The following PSMA6 variants were observed in gnomAD, a reference collection of about 807,000 sequenced individuals.
PSMA6 encodes the protein proteasome 20S subunit alpha 6.
For missense variants in PSMA6, 170 were observed against 294.8 expected (o/e 0.58, Z 3.10); for synonymous variants, 88 against 97.7 (o/e 0.90, Z 0.59).
chr14:35,292,871 G>T (rs551304451), intron 1 of PSMA6: 45 of 517,940 alleles, frequency 8.7e-5, no homozygotes, highest in African/African-American at 8.2e-4. Context: ...TCCTGGCCAG[G>T]CACAAGGTCT....
At chr14:35,317,192 G>C (rs1223979956) in intron 6 of PSMA6, 57 bp from the exon 7 acceptor site, 34 of 1,376,584 alleles carry the variant, frequency 2.5e-5, no homozygotes, top group Non-Finnish European at 3.4e-5. Flanking sequence ...CCACTTTTAC[G>C]TGTGTTTGAA....
intron 6 of PSMA6, chr14:35,315,981 T>A (rs1235455834): frequency 6.6e-6 from 1 of 152,228 alleles, no homozygotes; most frequent in East Asian, 1.9e-4. Context: ...TCAGTTGCAC[T>A]AAAAAATGTC....
At chr14:35,283,104 A>G (rs11845364) in intron 1 of PSMA6, among the ~76,000 whole-genome samples, 20,660 of 151,948 alleles carry the variant, frequency 0.14, 2,552 homozygotes, top group African/African-American at 0.31. Context: ...TTGGCCTCCC[A>G]AAGTGCTGGG....
chr14:35,289,119 T>C (rs1415350674), upstream of PSMA6, among the ~76,000 whole-genome samples: 1 of 152,204 alleles, frequency 6.6e-6, no homozygotes, highest in Non-Finnish European at 1.5e-5. Context: ...CTGTCACAAA[T>C]GAATTTAAAT....
At chr14:35,281,642 C>G (rs948524954) in intron 1 of PSMA6, among the ~76,000 whole-genome samples, 9 of 152,230 alleles carry the variant, frequency 5.9e-5, no homozygotes, top group African/African-American at 1.9e-4. Flanking sequence ...TCACACTCAG[C>G]AGACTTAACT....
intron 1 of PSMA6, among the ~76,000 whole-genome samples, chr14:35,285,339 C>CAAAAAAAAAAAA (rs758651038): frequency 9.2e-5 from 5 of 54,520 alleles, no homozygotes; most frequent in African/African-American, 2.4e-4. Flanking sequence ...AACTCTATCT[C>CAAAAAAAAAAAA]AAAAAAAACA....
chr14:35,306,261 T>C (rs2051825003), intron 1 of PSMA6, among the ~76,000 whole-genome samples: 1 of 151,406 alleles, frequency 6.6e-6, no homozygotes, highest in Admixed American at 6.6e-5. Context: ...TATTATTAAA[T>C]TTAAATATTG....
In PSMA6 at chr14:35,295,403, T is replaced by G. The variant is rs147259034; in HGVS notation, c.76+2851T>G. On this transcript the variant is annotated intron_variant, in intron 1 of 6. Transcript: ENST00000261479. ...ATACTTTATAATTATTAATAACATATTATTGGCAGTGTTTGCTCCCAGGGA... is the reference window on the plus strand; with the variant it reads ...ATACTTTATAATTATTAATAACATAGTATTGGCAGTGTTTGCTCCCAGGGA... Among the ~76,000 whole-genome samples the G allele has an allele frequency of 2.5e-3, 386 of 151,776 alleles. 2 individuals carry two copies. The highest frequency in any genetic ancestry group is 8.7e-3 in the African/African-American group (362 of 41,426).
intron 1 of PSMA6, among the ~76,000 whole-genome samples, chr14:35,305,565 T>A (rs2051806731): frequency 6.6e-6 from 1 of 152,266 alleles, no homozygotes; most frequent in Non-Finnish European, 1.5e-5. Context: ...TTCTTTAGCC[T>A]GATAGGCAGT....
chr14:35,299,700 C>T (rs2051674084), intron 1 of PSMA6, among the ~76,000 whole-genome samples: 1 of 152,112 alleles, frequency 6.6e-6, no homozygotes, highest in African/African-American at 2.4e-5. Context: ...TTTACCCTGC[C>T]AGTGTTTCTT....
At chr14:35,280,368 T>C (rs935812847) in intron 1 of PSMA6, among the ~76,000 whole-genome samples, 2 of 149,898 alleles carry the variant, frequency 1.3e-5, no homozygotes, top group African/African-American at 4.9e-5. Context: ...TTTGGTCTCA[T>C]TGTTTCTTTT....
At chr14:35,307,173 A>G (rs1184622445) in intron 1 of PSMA6, among the ~76,000 whole-genome samples, 1 of 152,196 alleles carries the variant, frequency 6.6e-6, no homozygotes, top group African/African-American at 2.4e-5. Context: ...CATATGTTGT[A>G]GGTAACATAA....
At chr14:35,303,046 G>C (rs1429744982) in intron 1 of PSMA6, among the ~76,000 whole-genome samples, 1 of 151,938 alleles carries the variant, frequency 6.6e-6, no homozygotes, top group African/African-American at 2.4e-5. Flanking sequence ...GTTTGGTTTT[G>C]GTTTTGGTTT....
rs144256238 is a variant in PSMA6 at position 35,304,003 on chromosome 14, C to T, written c.77-3991C>T. 3.3e-5 allele frequency among the ~76,000 whole-genome samples: 5 copies of T among 151,004 alleles called. No individual in the cohort carries two copies. In the South Asian group the frequency reaches 6.2e-4, roughly 19 times the overall value. ...TTTCTTTTTTTTTTAGACGGAGTCT[C>T]GCTCTGTAGCCCAGGCTGGAGTGTA... On this transcript the variant is annotated intron_variant, in intron 1 of 6. Transcript: ENST00000261479.
intron 5 of PSMA6, 49 bp from the exon 6 acceptor site, chr14:35,314,312 T>C: frequency 6.7e-7 from 1 of 1,488,910 alleles, no homozygotes; most frequent in African/African-American, 1.4e-5. Context: ...GAGAAAACCT[T>C]GGAATCTCTA....
upstream of PSMA6, among the ~76,000 whole-genome samples, chr14:35,291,823 CAAAAAAAAAAAAAAA>C (rs113987343): frequency 5.7e-4 from 27 of 47,736 alleles, no homozygotes; most frequent in Admixed American, 4.4e-3. Flanking sequence ...AACTCTGTCT[CAAAAAAAAAAAAAAA>C]AAAAAAAAAG....
chr14:35,309,967 A>G lies in PSMA6; in HGVS notation c.254-773A>G, dbSNP rs375520193. On this transcript the variant is annotated intron_variant, in intron 3 of 6. Coordinates refer to ENST00000261479, the MANE Select transcript of PSMA6 (RefSeq NM_002791.3). ...AGCCTGGGCAACGGAGCAAGACTCC[A>G]TTTGAAGAAGAAAAAAAAATTAGCT... Among the ~76,000 whole-genome samples, 6 of 152,034 alleles carry G rather than the reference A, an allele frequency of 3.9e-5. No individual in the cohort carries two copies. The South Asian group carries it at 1.3e-3, about 32-fold the overall frequency.
At chr14:35,279,986 G>C (rs183512713) in intron 1 of PSMA6, among the ~76,000 whole-genome samples, 11 of 151,936 alleles carry the variant, frequency 7.2e-5, no homozygotes, top group Non-Finnish European at 1.3e-4. Context: ...TTAGCCAGGC[G>C]TGGTGGCAGG....
Position 35,312,890 on chromosome 14 carries a change from T to C in PSMA6, c.419T>C (p.Leu140Ser). ...EMRPLGCCMI[L>S]IGIDEEQGPQ... Reference sequence around the variant, plus strand: ...TCTTTTCTCTTTTTAGGTATGATTTTAATTGGTATAGATGAAGAGCAAGGC... The same window carrying C: ...TCTTTTCTCTTTTTAGGTATGATTTCAATTGGTATAGATGAAGAGCAAGGC... The change falls in exon 5 of 7, where the codon TTA becomes TCA. Residue 140 changes from leucine (L) to serine (S), a missense_variant. Leu to Ser is a moderately radical substitution (Grantham distance 145). Transcript: ENST00000261479. The C allele has an allele frequency of 1.9e-6, 3 of 1,577,638 alleles. No individual in the cohort carries two copies. Among genetic ancestry groups the C allele is most frequent in the Non-Finnish European group, 2.6e-6 (3 of 1,167,896 alleles).
Sources: gnomAD v4.1 joint callset for allele counts (sites outside exome capture counted in the v4.1 genomes callset) on GRCh38, gnomAD v4.1.1 for gene constraint, MANE v1.5 for transcripts, NCBI Gene and HGNC (gene_info 2026-07-23, HGNC 2026-07-21) for gene names.